Variants in CNTN5 observed in about 807,000 individuals in gnomAD.
CNTN5 encodes the protein contactin-5.
Under a neutral mutation model 129.1 loss-of-function variants are expected in CNTN5, and 77 were observed. The observed-to-expected ratio is 0.60, with a 90% CI of 0.50 to 0.72. The LOEUF (loss-of-function observed/expected upper bound fraction) is 0.72, where lower values mean the gene tolerates loss of function less well. CNTN5 is among the 30% of genes least tolerant of loss of function. The pLI is 0.00. For missense variants in CNTN5, 1,478 were observed against 1,328.8 expected (o/e 1.11, Z -1.75); for synonymous variants, 509 against 465.6 (o/e 1.09, Z -1.20).
chr11:100,102,324 G>A lies in CNTN5; in HGVS notation c.1580+28030G>A, dbSNP rs575589036. 3.3e-5 allele frequency among the ~76,000 whole-genome samples: 5 copies of A among 151,732 alleles called. No individual in the cohort carries two copies. The East Asian group carries it at 9.7e-4, about 30-fold the overall frequency. On this transcript the variant is annotated intron_variant, in intron 13 of 24. Transcript: ENST00000524871. ...ACATTTCCCTGATAATTGTGATGTT[G>A]AACATTTTTAAAAATATTTGTTGGC...
At chr11:99,819,092 T>G (rs1410721680) in intron 3 of CNTN5, among the ~76,000 whole-genome samples, 3 of 151,830 alleles carry the variant, frequency 2.0e-5, no homozygotes, top group African/African-American at 7.3e-5. Flanking sequence ...CTCACTGCAT[T>G]TTAATAATAA....
chr11:100,320,948 T>A (rs1349582050), intron 21 of CNTN5, among the ~76,000 whole-genome samples: 1 of 152,228 alleles, frequency 6.6e-6, no homozygotes, highest in African/African-American at 2.4e-5. Context: ...CATGCTGTTT[T>A]TGTTACTATA....
intron 13 of CNTN5, among the ~76,000 whole-genome samples, chr11:100,167,057 T>C (rs533856114): frequency 6.6e-6 from 1 of 151,884 alleles, no homozygotes; most frequent in South Asian, 2.1e-4. Flanking sequence ...CATGGAGGAA[T>C]TCCTGATTGT....
intron 3 of CNTN5, among the ~76,000 whole-genome samples, chr11:99,623,572 A>T (rs542529253): frequency 2.0e-5 from 3 of 152,142 alleles, no homozygotes; most frequent in Admixed American, 2.0e-4. Flanking sequence ...TTACTGTGAC[A>T]AAGAAAATGA....
chr11:99,034,538 T>C (rs907755676), intron 1 of CNTN5, among the ~76,000 whole-genome samples: 1 of 151,690 alleles, frequency 6.6e-6, no homozygotes, highest in Non-Finnish European at 1.5e-5. Context: ...TTCTTCTAGA[T>C]TTTCTAGTTT....
chr11:99,569,877 C>G (rs1330140265), intron 3 of CNTN5, among the ~76,000 whole-genome samples: 3 of 151,880 alleles, frequency 2.0e-5, no homozygotes, highest in African/African-American at 7.3e-5. Context: ...AAGAAATAAG[C>G]TGAGATTTCT....
chr11:99,465,909 T>C (rs1591108041), intron 2 of CNTN5, among the ~76,000 whole-genome samples: 1 of 124,798 alleles, frequency 8.0e-6, no homozygotes, highest in Admixed American at 1.0e-4. Context: ...TGAGACGGAG[T>C]CTCGCTCTGT....
intron 6 of CNTN5, among the ~76,000 whole-genome samples, chr11:99,852,384 C>T (rs1385807974): frequency 1.3e-5 from 2 of 152,042 alleles, no homozygotes; most frequent in African/African-American, 4.8e-5. Context: ...AGCTATTTGC[C>T]CAGGCTGGTC....
chr11:99,884,675 G>A (rs915416649), intron 6 of CNTN5, among the ~76,000 whole-genome samples: 2 of 152,166 alleles, frequency 1.3e-5, no homozygotes, highest in Non-Finnish European at 1.5e-5. Context: ...ATATTACAGA[G>A]ATGTTAAAAA....
At chr11:99,908,389 T>C (rs188293223) in intron 6 of CNTN5, among the ~76,000 whole-genome samples, 1 of 152,228 alleles carries the variant, frequency 6.6e-6, no homozygotes. Context: ...CCTTTTCTCA[T>C]CATAATGGAT....
Position 100,007,412 on chromosome 11 carries a change from C to A in CNTN5, c.980+5276C>A, listed in dbSNP as rs1565782600. ...AGGCTGTTTTGTCTACATTGAAAATCTGTTGTTTAGTGTAGCCATTTCCAT... is the reference window on the plus strand; with the variant it reads ...AGGCTGTTTTGTCTACATTGAAAATATGTTGTTTAGTGTAGCCATTTCCAT... On this transcript the variant is annotated intron_variant, in intron 9 of 24. Transcript: ENST00000524871. Among the ~76,000 whole-genome samples the A allele has an allele frequency of 3.3e-5, 5 of 152,078 alleles. No homozygotes were observed. The South Asian group carries it at 8.3e-4, about 25-fold the overall frequency.
chr11:100,067,269 A>G (rs61908084), intron 10 of CNTN5, among the ~76,000 whole-genome samples: 9,608 of 152,132 alleles, frequency 0.063, 463 homozygotes, highest in East Asian at 0.19. Context: ...TCATTGTAAC[A>G]CAATCTACAA....
At chr11:99,882,599 T>C (rs1040327906) in intron 6 of CNTN5, among the ~76,000 whole-genome samples, 8 of 152,266 alleles carry the variant, frequency 5.3e-5, no homozygotes, top group Non-Finnish European at 1.2e-4. Context: ...TAGGTGTATG[T>C]GTTTATGGGG....
At chr11:99,443,659 T>A (rs2726403) in intron 2 of CNTN5, among the ~76,000 whole-genome samples, 1 of 151,970 alleles carries the variant, frequency 6.6e-6, no homozygotes, top group African/African-American at 2.4e-5. Context: ...CATATAGAGC[T>A]ATGCTTTCCT....
At chr11:99,267,957 CATT>C (rs1862986702) in intron 1 of CNTN5, among the ~76,000 whole-genome samples, 2 of 141,742 alleles carry the variant, frequency 1.4e-5, no homozygotes, top group East Asian at 2.3e-4. Context: ...CACACACACA[CATT>C]ATACAAAGGA....
intron 1 of CNTN5, among the ~76,000 whole-genome samples, chr11:99,258,608 T>G (rs187395178): frequency 2.0e-5 from 3 of 152,066 alleles, no homozygotes; most frequent in African/African-American, 7.2e-5. Flanking sequence ...AGATAATAAT[T>G]AAAATTCAGC....
At chr11:100,055,463 T>C (rs1341161356) in intron 9 of CNTN5, among the ~76,000 whole-genome samples, 1 of 151,652 alleles carries the variant, frequency 6.6e-6, no homozygotes, top group Non-Finnish European at 1.5e-5. Context: ...TATCCTTTAG[T>C]AATGGTTTAT....
intron 3 of CNTN5, among the ~76,000 whole-genome samples, chr11:99,655,186 G>T (rs2135895070): frequency 6.6e-6 from 1 of 152,166 alleles, no homozygotes; most frequent in South Asian, 2.1e-4. Flanking sequence ...TCTAATGTCA[G>T]AGGTCCTGTC....
intron 2 of CNTN5, among the ~76,000 whole-genome samples, chr11:99,465,993 T>C (rs1375824492): frequency 6.7e-6 from 1 of 149,382 alleles, no homozygotes; most frequent in Non-Finnish European, 1.5e-5. Context: ...GCCATTCTCC[T>C]GCCTCAGCCT....
Sources: allele counts gnomAD v4.1 joint callset (sites outside exome capture counted in the v4.1 genomes callset), GRCh38; gene constraint gnomAD v4.1.1; transcripts MANE v1.5; gene names NCBI Gene and HGNC (gene_info 2026-07-23, HGNC 2026-07-21).